SLC30A3: variants seen among roughly 807,000 people sequenced by gnomAD.
The protein encoded by SLC30A3 is solute carrier family 30 member 3, also known as probable proton-coupled zinc antiporter SLC30A3.
In SLC30A3, 20 loss-of-function variants were observed where a neutral mutation model predicts 35.6. The observed-to-expected ratio is 0.56, with a 90% CI of 0.39 to 0.82. SLC30A3 has a LOEUF of 0.82. Ranked by LOEUF, SLC30A3 falls within the 40% of genes least tolerant of loss-of-function variation. The pLI, the probability that SLC30A3 is intolerant of heterozygous loss-of-function variation, is 0.00. For missense variants in SLC30A3, 401 were observed against 530.6 expected (o/e 0.76, Z 2.40); for synonymous variants, 217 against 224.7 (o/e 0.97, Z 0.31).
upstream of SLC30A3, among the ~76,000 whole-genome samples, chr2:27,264,446 C>CGGATTAGGAAAGCTGGGCGG (rs1275464067): frequency 1.3e-5 from 2 of 152,248 alleles, no homozygotes; most frequent in African/African-American, 2.4e-5. This position sits in a 1 kb window ranked among gnomAD's most constrained non-coding sequence, Gnocchi z 6.1. Context: ...GAGGCTTAAA[C>CGGATTAGGAAAGCTGGGCGG]GGATTAGGAA....
At position 27,258,100 on chromosome 2, in the gene SLC30A3, G is replaced by C. The variant is rs150060540; in HGVS notation, c.425-42C>G. 6.5e-4 allele frequency: 1,053 copies of C among 1,610,326 alleles called. 4 individuals are homozygous for C. The African/African-American group carries it at 0.013, about 19-fold the overall frequency. On this transcript the variant is annotated intron_variant, in intron 3 of 7. Coordinates refer to ENST00000233535, the MANE Select transcript of SLC30A3 (RefSeq NM_003459.5). This position sits in a 1 kb window ranked among gnomAD's most constrained non-coding sequence, Gnocchi z 4.0. ...AGACAAGCTGTCAGAGACCTGCTTG[G>C]GACCCTGACGGGTGCCCTCTGGCAA...
At chr2:27,270,221 A>G (rs551290051) in intron 1 of SLC30A3, among the ~76,000 whole-genome samples, 1 of 152,346 alleles carries the variant, frequency 6.6e-6, no homozygotes, top group South Asian at 2.1e-4. Context: ...ATTGCTTTCT[A>G]TCTACCCTGA....
At chr2:27,272,662 G>A (rs1402290819) in intron 1 of SLC30A3, among the ~76,000 whole-genome samples, 4 of 151,180 alleles carry the variant, frequency 2.6e-5, no homozygotes, top group African/African-American at 7.3e-5. Flanking sequence ...TCCTGACCTC[G>A]TGATCGACCC....
upstream of SLC30A3, chr2:27,263,316 C>G (rs1158908814): frequency 2.1e-6 from 1 of 471,918 alleles, no homozygotes; most frequent in Non-Finnish European, 4.3e-6. Context: ...CCAAGCCTCG[C>G]TCCTGAAGCC....
At chr2:27,256,726 C>T in intron 6 of SLC30A3, 62 bp downstream of exon 6, 2 of 1,347,432 alleles carry the variant, frequency 1.5e-6, no homozygotes, top group Non-Finnish European at 1.0e-6. Context: ...AAAGTGATGG[C>T]CCACTGCGAG....
Position 27,258,974 on chromosome 2 carries a change from AGGCT to A in SLC30A3, c.96-44_96-41del. The A allele has an allele frequency of 6.6e-7, 1 of 1,510,048 alleles. No homozygotes were observed. Among genetic ancestry groups the A allele is most frequent in the South Asian group, 1.3e-5 (1 of 77,476 alleles). The allele number at this position is 1,510,048 out of a possible 1,614,324, so 93.5% of individuals were successfully genotyped here. On this transcript the variant is annotated intron_variant, in intron 1 of 7. Transcript: ENST00000233535. This position sits in a 1 kb window ranked among gnomAD's most constrained non-coding sequence, Gnocchi z 4.0. The stretch of plus-strand genomic sequence containing the variant: ...ATGGTTCAACCTGGGCCTGGCCCAC[AGGCT>A]GGCCTGCTCACTCCACGTCCTTAGT...
chr2:27,263,022 C>G lies in SLC30A3; in HGVS notation c.-116G>C. ...GGATCCCCGCAGGGCGGCGGGGCCA[C>G]CAGAGTGGAGCGAACTGCAGCGACT... On this transcript the variant is annotated 5_prime_UTR_variant, in exon 1 of 8. Coordinates refer to ENST00000233535, the MANE Select transcript of SLC30A3 (RefSeq NM_003459.5). 7.1e-7 allele frequency: 1 copy of G among 1,399,500 alleles called. No individual in the cohort carries two copies. The highest frequency in any genetic ancestry group is 9.2e-7 in the Non-Finnish European group (1 of 1,084,138). The allele number at this position is 1,399,500 out of a possible 1,614,324, so 86.7% of individuals were successfully genotyped here.
At position 27,255,381 on chromosome 2, in the gene SLC30A3, G is replaced by A; in HGVS notation, c.1098C>T (p.Thr366=). 2 of 1,614,196 alleles carry A rather than the reference G, an allele frequency of 1.2e-6. No individual in the cohort carries two copies. The highest frequency in any genetic ancestry group is 1.7e-6 in the Non-Finnish European group (2 of 1,180,038). The change falls in exon 8 of 8, where the codon ACC becomes ACT. Residue 366 remains threonine (T), a synonymous_variant. Transcript: ENST00000233535. This position sits in a 1 kb window ranked among gnomAD's most constrained non-coding sequence, Gnocchi z 5.2. ...LYSRFGFSSC[T]LQVEQYQPEM... is the part of the protein sequence containing the mutation. ...CCGGCTGATACTGCTCGACCTGCAG[G>A]GTGCAGCTGGAGAATCCAAACCGGG...
chr2:27,275,221 G>A (rs1677956685), exon 1 of SLC30A3: 1 of 1,304,104 alleles, frequency 7.7e-7, no homozygotes, highest in Non-Finnish European at 1.0e-6. Flanking sequence ...TTCCTGGAGT[G>A]AGTTGGGCCA....
At chr2:27,268,358 A>T (rs1029745874) in intron 1 of SLC30A3, among the ~76,000 whole-genome samples, 4 of 152,254 alleles carry the variant, frequency 2.6e-5, no homozygotes, top group Admixed American at 1.3e-4. Flanking sequence ...GAATTGATTA[A>T]GGAAAAGAAC....
Position 27,254,767 on chromosome 2 carries a change from C to G in SLC30A3, c.*545G>C. 5.6e-6 allele frequency: 1 copy of G among 179,574 alleles called. No homozygotes were observed. The highest frequency in any genetic ancestry group is 7.8e-5 in the South Asian group (1 of 12,866). 11.1% of individuals were successfully genotyped at this position (179,574 alleles called of 1,614,324 possible). On this transcript the variant is annotated 3_prime_UTR_variant, in exon 8 of 8. Coordinates refer to ENST00000233535, the MANE Select transcript of SLC30A3 (RefSeq NM_003459.5). ...CAGGCCACAGCACCAAGAACACACA[C>G]ACACACACACACACACACACACACA...
At position 27,257,066 on chromosome 2, in the gene SLC30A3, G is replaced by A; in HGVS notation, c.777+88C>T. On this transcript the variant is annotated intron_variant, in intron 5 of 7. Coordinates refer to ENST00000233535, the MANE Select transcript of SLC30A3 (RefSeq NM_003459.5). The surrounding 1 kb of genome is among the most constrained non-coding windows in gnomAD (Gnocchi z 4.7). ...AGGTGGGAGGGAGGAGCTGGAGGGA[G>A]GAGGAAGGAAGCTTTGGGACCTGGG... 2 of 1,348,730 alleles carry A rather than the reference G, an allele frequency of 1.5e-6. No homozygotes were observed. The highest frequency in any genetic ancestry group is 2.1e-6 in the Non-Finnish European group (2 of 941,852). The allele number at this position is 1,348,730 out of a possible 1,614,324, so 83.5% of individuals were successfully genotyped here. A position where few individuals can be genotyped will look rare whatever the true frequency, so the allele number is the denominator to read the frequency against.
In SLC30A3 at chr2:27,258,014, T is replaced by A; in HGVS notation, c.469A>T (p.Thr157Ser). 3 of 1,614,144 alleles carry A rather than the reference T, an allele frequency of 1.9e-6. No individual in the cohort carries two copies. The highest frequency in any genetic ancestry group is 2.5e-6 in the Non-Finnish European group (3 of 1,179,992). Reference protein sequence around the residue: ...LASVVSLWMVTGILLYLAFVR... With the variant: ...LASVVSLWMVSGILLYLAFVR... Reference sequence around the variant, plus strand: ...AAGGCCAGGTACAGGAGGATGCCAGTGACCATCCAGAGGGAGACCACAGAG... The same window carrying A: ...AAGGCCAGGTACAGGAGGATGCCAGAGACCATCCAGAGGGAGACCACAGAG... Residue 157 changes from threonine to serine, a missense_variant, in exon 4 of 8, where the codon ACT (threonine) becomes TCT (serine). By Grantham distance (58) the Thr-to-Ser change is moderately conservative. Coordinates refer to ENST00000233535, the MANE Select transcript of SLC30A3 (RefSeq NM_003459.5). This position sits in a 1 kb window ranked among gnomAD's most constrained non-coding sequence, Gnocchi z 4.0.
At position 27,256,344 on chromosome 2, in the gene SLC30A3, G is replaced by A. The variant is rs144574144; in HGVS notation, c.1018+42C>T. 6.8e-6 allele frequency: 11 copies of A among 1,607,056 alleles called. No individual in the cohort carries two copies. The Admixed American group carries it at 1.7e-4, about 24-fold the overall frequency. ...GCTATGGTCCCATGTTTGGGGTGGGGTATGTTCCAGGTAGTAACTAGCTGG... is the reference window on the plus strand; with the variant it reads ...GCTATGGTCCCATGTTTGGGGTGGGATATGTTCCAGGTAGTAACTAGCTGG... On this transcript the variant is annotated intron_variant, in intron 7 of 7. Transcript: ENST00000233535.
At position 27,254,929 on chromosome 2, in the gene SLC30A3, A is replaced by G. The variant is rs1676752137; in HGVS notation, c.*383T>C. On this transcript the variant is annotated 3_prime_UTR_variant, in exon 8 of 8. Transcript: ENST00000233535. ...CCAGGCATAGGCACACCAACAGCAC[A>G]TAGACAGGCAGATGCCCCCAGCCAG... The G allele has an allele frequency of 3.6e-6, 2 of 549,640 alleles. No homozygotes were observed. Among genetic ancestry groups the G allele is most frequent in the South Asian group, 2.0e-5 (1 of 50,456 alleles). The allele number at this position is 549,640 out of a possible 1,614,324, so 34.0% of individuals were successfully genotyped here.
Position 27,262,765 on chromosome 2 carries a change from A to C in SLC30A3, c.95+47T>G. On this transcript the variant is annotated intron_variant, in intron 1 of 7. Transcript: ENST00000233535. The surrounding 1 kb of genome is among the most constrained non-coding windows in gnomAD (Gnocchi z 7.5). ...AGAGACAACGAAATGGACGGAGGGT[A>C]GTAGGGTGGCGCCCCCGGGCCGAGG... 2 of 1,463,912 alleles carry C rather than the reference A, an allele frequency of 1.4e-6. No homozygotes were observed. Among genetic ancestry groups the C allele is most frequent in the Non-Finnish European group, 1.8e-6 (2 of 1,108,642 alleles). 90.7% of individuals were successfully genotyped at this position (1,463,912 alleles called of 1,614,324 possible).
chr2:27,256,493 G>A lies in SLC30A3; in HGVS notation c.911C>T (p.Pro304Leu). 6.2e-7 allele frequency: 1 copy of A among 1,614,070 alleles called. No homozygotes were observed. Among genetic ancestry groups the A allele is most frequent in the Non-Finnish European group, 8.5e-7 (1 of 1,180,016 alleles). Residue 304 changes from proline (P) to leucine (L), a missense_variant, in exon 7 of 8, where the codon CCT (proline) becomes CTT (leucine). Transcript: ENST00000233535. The part of the protein sequence containing the change: ...EGTPRNVGFE[P>L]VRDTLLSVPG... ...CACCGACAACAGCGTATCCCGCACA[G>A]GTTCGAACCCCACATTGCGGGGGGT...
chr2:27,268,355 T>C (rs1677583845), intron 1 of SLC30A3, among the ~76,000 whole-genome samples: 1 of 152,174 alleles, frequency 6.6e-6, no homozygotes, highest in African/African-American at 2.4e-5. Context: ...AGTGAATTGA[T>C]TAAGGAAAAG....
intron 1 of SLC30A3, among the ~76,000 whole-genome samples, chr2:27,273,946 T>A (rs1183488464): frequency 6.6e-6 from 1 of 152,236 alleles, no homozygotes; most frequent in Non-Finnish European, 1.5e-5. Context: ...CAGCTTCAGC[T>A]TCTTTTTTGG....
Sources: allele counts gnomAD v4.1 joint callset (sites outside exome capture counted in the v4.1 genomes callset), GRCh38; gene constraint gnomAD v4.1.1; non-coding constraint Gnocchi (gnomAD v3.1); transcripts MANE v1.5; gene names NCBI Gene and HGNC (gene_info 2026-07-23, HGNC 2026-07-21).